ZMAT4: variants seen among roughly 807,000 people sequenced by gnomAD.
ZMAT4 encodes zinc finger matrin-type protein 4.
A neutral mutation model predicts 28.7 loss-of-function variants in ZMAT4; 17 were observed. The observed-to-expected ratio is 0.59, with a 90% CI of 0.41 to 0.89. ZMAT4 has a LOEUF of 0.89. Ranked by LOEUF, ZMAT4 falls within the 40% of genes least tolerant of loss-of-function variation. ZMAT4 has a pLI of 0.00. For synonymous variants in ZMAT4, 117 were observed against 109.2 expected (o/e 1.07, Z -0.44); for missense variants, 240 against 283.8 (o/e 0.85, Z 1.11).
intron 3 of ZMAT4, among the ~76,000 whole-genome samples, chr8:40,710,629 A>G (rs564891714): frequency 6.6e-6 from 1 of 152,102 alleles, no homozygotes; most frequent in Non-Finnish European, 1.5e-5. Context: ...GGGAAAAAAA[A>G]AAAGACTAAT....
At chr8:40,740,634 A>G (rs1185206292) in intron 3 of ZMAT4, among the ~76,000 whole-genome samples, 1 of 152,210 alleles carries the variant, frequency 6.6e-6, no homozygotes, top group Non-Finnish European at 1.5e-5. Context: ...CACATTTATA[A>G]TTGAAAGAAA....
At chr8:40,533,338 G>A (rs1257460381) in intron 6 of ZMAT4, among the ~76,000 whole-genome samples, 2 of 152,154 alleles carry the variant, frequency 1.3e-5, no homozygotes, top group East Asian at 3.9e-4. Flanking sequence ...TCTTCTGCCG[G>A]GGATTTCTCG....
intron 6 of ZMAT4, among the ~76,000 whole-genome samples, chr8:40,542,412 A>G (rs964348288): frequency 6.6e-6 from 1 of 152,132 alleles, no homozygotes; most frequent in African/African-American, 2.4e-5. Context: ...TTTTAGAGAC[A>G]GGATCTCACT....
rs756360990 is a variant in ZMAT4, at chr8:40,695,768, A to AT, written c.349+1476dup. ...AAAGAACTGGTTTTGCCATGTGGCA[A>AT]TTTTTTTTTTTTTTTTTTTTTTTTT... On this transcript the variant is annotated intron_variant, in intron 4 of 6. Transcript: ENST00000297737. Among the ~76,000 whole-genome samples, 583 of 58,506 alleles carry AT rather than the reference A, an allele frequency of 1.0e-2. 45 individuals are homozygous for AT. The highest frequency in any genetic ancestry group is 0.018 in the African/African-American group (259 of 14,770). 38.4% of individuals were successfully genotyped at this position (58,506 alleles called of 152,430 possible).
At chr8:40,859,556 GC>G (rs1251903270) in intron 1 of ZMAT4, among the ~76,000 whole-genome samples, 2 of 152,146 alleles carry the variant, frequency 1.3e-5, no homozygotes, top group Non-Finnish European at 2.9e-5. Flanking sequence ...CCTTCAGTGG[GC>G]TTTTAACATA....
At chr8:40,803,959 A>G (rs896479194) in intron 2 of ZMAT4, among the ~76,000 whole-genome samples, 2 of 152,228 alleles carry the variant, frequency 1.3e-5, no homozygotes, top group African/African-American at 4.8e-5. Flanking sequence ...GCTTGCATTT[A>G]CTACATTTAA....
intron 3 of ZMAT4, among the ~76,000 whole-genome samples, chr8:40,743,768 C>A (rs35998369): frequency 0.054 from 8,213 of 152,046 alleles, 306 homozygotes; most frequent in Non-Finnish European, 0.079. Context: ...GGGACTGGGG[C>A]ACGGGGAAGG....
intron 1 of ZMAT4, among the ~76,000 whole-genome samples, chr8:40,853,605 A>C (rs1052769355): frequency 6.6e-6 from 1 of 152,182 alleles, no homozygotes; most frequent in Non-Finnish European, 1.5e-5. Context: ...CAGCAAGGAC[A>C]TTCCTAAGTA....
At chr8:40,862,584 T>TTA (rs559881464) in intron 1 of ZMAT4, among the ~76,000 whole-genome samples, 32 of 109,964 alleles carry the variant, frequency 2.9e-4, no homozygotes, top group Admixed American at 1.7e-3. Context: ...AAAAAAAAAT[T>TTA]AAAAAAAAAA....
chr8:40,882,717 C>A (rs970631976), intron 1 of ZMAT4, among the ~76,000 whole-genome samples: 6 of 152,196 alleles, frequency 3.9e-5, no homozygotes, highest in African/African-American at 1.4e-4. Flanking sequence ...TAATCCCCCC[C>A]CATGAGACAG....
At chr8:40,611,190 T>C (rs1244893422) in intron 5 of ZMAT4, among the ~76,000 whole-genome samples, 2 of 152,174 alleles carry the variant, frequency 1.3e-5, no homozygotes, top group African/African-American at 4.8e-5. Flanking sequence ...AAGTATTCCA[T>C]TCAAATGTGG....
At chr8:40,565,855 AC>A (rs1803906153) in intron 6 of ZMAT4, among the ~76,000 whole-genome samples, 2 of 150,180 alleles carry the variant, frequency 1.3e-5, no homozygotes, top group East Asian at 2.0e-4. Context: ...GTGCCCAGTC[AC>A]CCAACACCAC....
chr8:40,713,921 C>CAAAAAAAAAAAA (rs532317102), intron 3 of ZMAT4, among the ~76,000 whole-genome samples: 358 of 48,378 alleles, frequency 7.4e-3, no homozygotes, highest in East Asian at 0.011. Context: ...AAAACAAAAC[C>CAAAAAAAAAAAA]AAAAAAAAAA....
rs571691990 is a variant in ZMAT4 at position 40,717,080 on chromosome 8, G to A, written c.193-19679C>T. Among the ~76,000 whole-genome samples the A allele has an allele frequency of 1.2e-4, 18 of 152,278 alleles. No individual in the cohort carries two copies. The South Asian group carries it at 1.5e-3, about 12-fold the overall frequency. ...GAAGAGCTGAAACATGTTGTATCTC[G>A]TCTATAATCCTGTAATTTTATCTTT... On this transcript the variant is annotated intron_variant, in intron 3 of 6. Coordinates refer to ENST00000297737, the MANE Select transcript of ZMAT4 (RefSeq NM_024645.3).
At chr8:40,583,804 G>A (rs1026909110) in intron 5 of ZMAT4, among the ~76,000 whole-genome samples, 2 of 152,154 alleles carry the variant, frequency 1.3e-5, no homozygotes, top group Non-Finnish European at 2.9e-5. Flanking sequence ...CAGGTCATGA[G>A]TAGACAAGAG....
At chr8:40,680,590 C>T (rs141368319) in intron 4 of ZMAT4, among the ~76,000 whole-genome samples, 1 of 152,092 alleles carries the variant, frequency 6.6e-6, no homozygotes. Context: ...AGATTCCTAC[C>T]TGCCTGTCTG....
At chr8:40,767,609 T>C (rs772036252) in intron 3 of ZMAT4, 32 bp downstream of exon 3, 56 of 1,583,054 alleles carry the variant, frequency 3.5e-5, no homozygotes, top group Non-Finnish European at 4.7e-5. Flanking sequence ...GAACAAATCA[T>C]CTGAGGATAT....
At chr8:40,797,947 G>A (rs1032887160) in intron 2 of ZMAT4, among the ~76,000 whole-genome samples, 4 of 152,224 alleles carry the variant, frequency 2.6e-5, no homozygotes, top group Non-Finnish European at 4.4e-5. Context: ...AGGGCACTGA[G>A]GGGCTGGCAG....
intron 3 of ZMAT4, among the ~76,000 whole-genome samples, chr8:40,712,379 G>T (rs1480261109): frequency 6.6e-6 from 1 of 152,198 alleles, no homozygotes; most frequent in Non-Finnish European, 1.5e-5. Flanking sequence ...AAGACATGGA[G>T]GATATCTCCA....
Sources: gnomAD v4.1 joint callset for allele counts (sites outside exome capture counted in the v4.1 genomes callset) on GRCh38, gnomAD v4.1.1 for gene constraint, MANE v1.5 for transcripts, NCBI Gene and HGNC (gene_info 2026-07-23, HGNC 2026-07-21) for gene names.